Variants in RANBP2 observed in about 807,000 individuals in gnomAD.
RANBP2 encodes the protein RAN binding protein 2.
In RANBP2, 57 loss-of-function variants were observed where a neutral mutation model predicts 303.6. The ratio of observed to expected loss-of-function variants is 0.19; its 90% CI spans 0.15 to 0.23. RANBP2 has a LOEUF of 0.23. RANBP2 is among the 10% of genes least tolerant of loss of function. RANBP2 has a pLI of 1.00. For synonymous variants in RANBP2, 1,167 were observed against 1,301.5 expected, an observed-to-expected ratio of 0.90 and a Z score of 2.23; for missense variants, 3,138 against 3,780.8, an observed-to-expected ratio of 0.83 and a Z score of 4.46.
chr2:109,417,565 G>A, the RANBP2 span, among the ~76,000 whole-genome samples: 2 of 152,166 alleles, frequency 1.3e-5, no homozygotes, highest in Non-Finnish European at 2.9e-5. Context: ...ACAGGACCCC[G>A]ACAGCCTCTG....
the RANBP2 span, among the ~76,000 whole-genome samples, chr2:109,524,744 C>T: frequency 6.6e-6 from 1 of 150,762 alleles, no homozygotes; most frequent in South Asian, 2.1e-4. Flanking sequence ...GACTCCATCT[C>T]AAAAAATATA....
chr2:109,586,524 G>C, the RANBP2 span, among the ~76,000 whole-genome samples: 1 of 152,130 alleles, frequency 6.6e-6, no homozygotes, highest in South Asian at 2.1e-4. Context: ...AGATTGGTTG[G>C]GAATTCAGGG....
At chr2:109,384,210 G>A in the RANBP2 span, among the ~76,000 whole-genome samples, 9 of 152,190 alleles carry the variant, frequency 5.9e-5, no homozygotes, top group Admixed American at 5.9e-4. Flanking sequence ...CCAGGCCCCG[G>A]GGATGCAGCC....
chr2:109,051,605 G>T, the RANBP2 span, among the ~76,000 whole-genome samples: 164 of 152,216 alleles, frequency 1.1e-3, no homozygotes, highest in African/African-American at 3.6e-3. Flanking sequence ...GAGAGGGGTA[G>T]TTACATTAAA....
At chr2:109,128,821 G>A in the RANBP2 span, 428 of 214,388 alleles carry the variant, frequency 2.0e-3, no homozygotes, top group Non-Finnish European at 3.5e-3. Flanking sequence ...CTTGGAGGAG[G>A]CAGGGCCAAG....
the RANBP2 span, chr2:109,605,583 A>AAAAGCT: frequency 6.6e-6 from 1 of 152,236 alleles, no homozygotes; most frequent in Admixed American, 6.5e-5. Context: ...GTGTAGCTAA[A>AAAAGCT]AAAGCTAATC....
At chr2:108,910,700 A>G in the RANBP2 span, 1 of 1,516,476 alleles carries the variant, frequency 6.6e-7, no homozygotes, top group East Asian at 2.3e-5. Flanking sequence ...AGCAGCGAGG[A>G]GGCTGCTTCT....
chr2:109,575,600 G>A, the RANBP2 span, among the ~76,000 whole-genome samples: 1 of 152,192 alleles, frequency 6.6e-6, no homozygotes, highest in Non-Finnish European at 1.5e-5. Flanking sequence ...AATGGTGTGT[G>A]AGCATTCCAT....
the RANBP2 span, among the ~76,000 whole-genome samples, chr2:109,635,163 GTA>G: frequency 1.7e-4 from 26 of 151,710 alleles, no homozygotes; most frequent in African/African-American, 6.3e-4. Flanking sequence ...CTCTTGGCAT[GTA>G]TTATTTTGTT....
downstream of RANBP2, among the ~76,000 whole-genome samples, chr2:108,790,760 G>A (rs747385799): frequency 3.3e-5 from 5 of 152,138 alleles, no homozygotes; most frequent in Non-Finnish European, 7.4e-5. Flanking sequence ...TTGTGTGGGT[G>A]TATGTGGGTT....
the RANBP2 span, among the ~76,000 whole-genome samples, chr2:108,973,178 G>C: frequency 1.3e-5 from 2 of 152,176 alleles, no homozygotes; most frequent in African/African-American, 4.8e-5. Flanking sequence ...AGTAGAGATG[G>C]GGTTTCACCA....
intron 12 of RANBP2, among the ~76,000 whole-genome samples, chr2:108,752,274 T>A (rs1675943653): frequency 1.3e-5 from 2 of 151,204 alleles, no homozygotes; most frequent in African/African-American, 4.9e-5. Context: ...AAAAAAAAAA[T>A]TAGCACAAGG....
chr2:109,737,521 T>G, the RANBP2 span: 1 of 559,920 alleles, frequency 1.8e-6, no homozygotes, highest in East Asian at 3.1e-5. Context: ...GCGGGCACCA[T>G]GGCAGTAGTG....
At chr2:109,664,620 T>TAAATAA in the RANBP2 span, among the ~76,000 whole-genome samples, 1 of 151,092 alleles carries the variant, frequency 6.6e-6, no homozygotes, top group Admixed American at 6.6e-5. Flanking sequence ...AGTAAATAAA[T>TAAATAA]AAATAAAAAT....
At chr2:109,422,579 T>G in the RANBP2 span, among the ~76,000 whole-genome samples, 1 of 148,106 alleles carries the variant, frequency 6.8e-6, no homozygotes, top group African/African-American at 2.5e-5. Flanking sequence ...ACGTCTCTCA[T>G]TCCTGCACCC....
chr2:108,916,466 C>T, the RANBP2 span, among the ~76,000 whole-genome samples: 5 of 152,126 alleles, frequency 3.3e-5, no homozygotes, highest in Admixed American at 2.6e-4. Flanking sequence ...TACACAATGA[C>T]GTCCCCAAAC....
chr2:109,210,377 A>G, the RANBP2 span, among the ~76,000 whole-genome samples: 2 of 152,230 alleles, frequency 1.3e-5, no homozygotes, highest in African/African-American at 4.8e-5. Flanking sequence ...AAAGCGGGAA[A>G]GCCTGGTCTT....
At chr2:109,262,475 C>T in the RANBP2 span, among the ~76,000 whole-genome samples, 5 of 152,176 alleles carry the variant, frequency 3.3e-5, no homozygotes, top group Non-Finnish European at 5.9e-5. Flanking sequence ...GGACAGTGTC[C>T]GGAGGCCCCA....
At chr2:109,004,452 G>T in the RANBP2 span, among the ~76,000 whole-genome samples, 50 of 152,280 alleles carry the variant, frequency 3.3e-4, 1 homozygote, top group African/African-American at 1.2e-3. Flanking sequence ...TCTGGGATGG[G>T]GCCCAGCAAG....
Sources: gnomAD v4.1 joint callset for allele counts (sites outside exome capture counted in the v4.1 genomes callset) on GRCh38, gnomAD v4.1.1 for gene constraint, MANE v1.5 for transcripts, NCBI Gene and HGNC (gene_info 2026-07-23, HGNC 2026-07-21) for gene names.